XYLT1: variants seen among roughly 807,000 people sequenced by gnomAD.
The protein encoded by XYLT1 is beta-D-xylosyltransferase 1.
Under a neutral mutation model 91.3 loss-of-function variants are expected in XYLT1, and 36 were observed. The ratio of observed to expected loss-of-function variants is 0.39; its 90% CI spans 0.30 to 0.52. The LOEUF is 0.52. Ranked by LOEUF, XYLT1 falls within the 20% of genes least tolerant of loss-of-function variation. The pLI, the probability that XYLT1 is intolerant of heterozygous loss-of-function variation, is 0.68. For missense variants in XYLT1, 1,242 were observed against 1,284.5 expected (o/e 0.97, Z 0.51); for synonymous variants, 588 against 532.0 (o/e 1.11, Z -1.45).
chr16:17,420,143 C>A (rs777214028), intron 1 of XYLT1, among the ~76,000 whole-genome samples: 1 of 152,118 alleles, frequency 6.6e-6, no homozygotes, highest in Non-Finnish European at 1.5e-5. Flanking sequence ...CCAAAACTAG[C>A]AAAAATAATT....
chr16:17,433,760 T>C (rs567086630), intron 1 of XYLT1, among the ~76,000 whole-genome samples: 1 of 152,340 alleles, frequency 6.6e-6, no homozygotes, highest in East Asian at 1.9e-4. Flanking sequence ...CTCAAAGGTA[T>C]TTGAATCAGG....
In XYLT1 at chr16:17,103,930, A is replaced by G. The variant is rs984204677; in HGVS notation, c.*4765T>C. ...AACACAAAACAAAACAAAACAAAACAAAAAAACTTCTAAGAGAGCCAGAGA... is the reference window on the plus strand; with the variant it reads ...AACACAAAACAAAACAAAACAAAACGAAAAAACTTCTAAGAGAGCCAGAGA... On this transcript the variant is annotated 3_prime_UTR_variant, in exon 12 of 12. Transcript: ENST00000261381. 1.3e-5 allele frequency: 2 copies of G among 153,022 alleles called. No homozygotes were observed. Among genetic ancestry groups the G allele is most frequent in the Non-Finnish European group, 2.9e-5 (2 of 68,440 alleles). 9.5% of individuals were successfully genotyped at this position (153,022 alleles called of 1,614,324 possible).
chr16:17,210,441 G>C (rs1363375067), intron 3 of XYLT1, among the ~76,000 whole-genome samples: 2 of 152,182 alleles, frequency 1.3e-5, no homozygotes, highest in Non-Finnish European at 2.9e-5. Context: ...GCTGGGCATG[G>C]TGGTGCACGC....
At chr16:17,330,153 T>C (rs913650497) in intron 2 of XYLT1, among the ~76,000 whole-genome samples, 1 of 131,170 alleles carries the variant, frequency 7.6e-6, no homozygotes, top group African/African-American at 2.9e-5. Context: ...CAGCTCCACA[T>C]GGGCAGGAGC....
At chr16:17,142,032 T>G (rs553042497) in intron 6 of XYLT1, among the ~76,000 whole-genome samples, 2 of 152,120 alleles carry the variant, frequency 1.3e-5, no homozygotes, top group Non-Finnish European at 2.9e-5. Context: ...AGCTCCTGAG[T>G]AGCTAGGACT....
chr16:17,254,947 GC>G (rs1398515905), intron 3 of XYLT1, among the ~76,000 whole-genome samples: 2 of 151,622 alleles, frequency 1.3e-5, no homozygotes, highest in Non-Finnish European at 2.9e-5. Context: ...AAGCCCAAGG[GC>G]CAAATCCGGC....
chr16:17,226,817 A>G (rs758624827), intron 3 of XYLT1, among the ~76,000 whole-genome samples: 12 of 152,132 alleles, frequency 7.9e-5, no homozygotes, highest in Non-Finnish European at 1.8e-4. Flanking sequence ...ATATTGCCAA[A>G]TGTCCCTGGA....
intron 2 of XYLT1, among the ~76,000 whole-genome samples, chr16:17,354,168 A>G (rs1351277349): frequency 6.6e-6 from 1 of 152,162 alleles, no homozygotes; most frequent in Non-Finnish European, 1.5e-5. Context: ...CCAGAGGAGC[A>G]TTCATCACTG....
At chr16:17,356,597 C>A (rs1192552028) in intron 2 of XYLT1, among the ~76,000 whole-genome samples, 3 of 152,050 alleles carry the variant, frequency 2.0e-5, no homozygotes, top group African/African-American at 4.8e-5. Flanking sequence ...AGGGCAAGGA[C>A]CCAAGGTGGA....
chr16:17,149,515 A>G (rs2031230791), intron 6 of XYLT1, among the ~76,000 whole-genome samples: 1 of 152,200 alleles, frequency 6.6e-6, no homozygotes, highest in Non-Finnish European at 1.5e-5. Flanking sequence ...TTACTCCTTC[A>G]GCATAAGTAC....
chr16:17,410,123 C>A (rs889795319), intron 1 of XYLT1, among the ~76,000 whole-genome samples: 1 of 152,142 alleles, frequency 6.6e-6, no homozygotes, highest in Non-Finnish European at 1.5e-5. Context: ...CTGCTGGCTG[C>A]CCCTTTTGCC....
chr16:17,404,141 AC>A (rs2036001299), intron 1 of XYLT1, among the ~76,000 whole-genome samples: 3 of 151,982 alleles, frequency 2.0e-5, no homozygotes, highest in Non-Finnish European at 2.9e-5. Context: ...AGCCTGAGTG[AC>A]CCAGGAGGGA....
chr16:17,354,969 G>C (rs4781989), intron 2 of XYLT1: 75,195 of 152,084 alleles, frequency 0.49, 20,789 homozygotes, highest in African/African-American at 0.74. Context: ...TGGGAAATCA[G>C]AACTCGGGGA....
At chr16:17,254,235 C>T (rs2033593704) in intron 3 of XYLT1, among the ~76,000 whole-genome samples, 1 of 152,114 alleles carries the variant, frequency 6.6e-6, no homozygotes. Flanking sequence ...GCAGTAATAC[C>T]AACCTCTCCT....
At chr16:17,302,202 C>T (rs1054383891) in intron 2 of XYLT1, among the ~76,000 whole-genome samples, 1 of 151,908 alleles carries the variant, frequency 6.6e-6, no homozygotes, top group Non-Finnish European at 1.5e-5. Context: ...AAGACTCGAT[C>T]TCAAAATACT....
At chr16:17,313,663 T>TTAGAGGGGAAAACATCCA (rs1393208808) in intron 2 of XYLT1, among the ~76,000 whole-genome samples, 14 of 150,854 alleles carry the variant, frequency 9.3e-5, no homozygotes, top group Non-Finnish European at 4.4e-5. Flanking sequence ...TTTCCTTTCA[T>TTAGAGGGGAAAACATCCA]TAGAGGGGAA....
At chr16:17,205,187 C>T (rs1348300184) in intron 3 of XYLT1, among the ~76,000 whole-genome samples, 1 of 152,210 alleles carries the variant, frequency 6.6e-6, no homozygotes, top group Non-Finnish European at 1.5e-5. Context: ...AGAGCTCCCC[C>T]AGTAGATAGC....
intron 1 of XYLT1, among the ~76,000 whole-genome samples, chr16:17,382,503 T>G (rs2035694411): frequency 6.6e-6 from 1 of 151,574 alleles, no homozygotes; most frequent in East Asian, 2.0e-4. Flanking sequence ...CCACACAGAG[T>G]GGATTGCACA....
At chr16:17,454,180 G>T (rs932537945) in intron 1 of XYLT1, among the ~76,000 whole-genome samples, 1 of 152,190 alleles carries the variant, frequency 6.6e-6, no homozygotes, top group East Asian at 1.9e-4. Flanking sequence ...ATACTCAACA[G>T]AAATGTTTGC....
Sources: gnomAD v4.1 joint callset for allele counts (sites outside exome capture counted in the v4.1 genomes callset) on GRCh38, gnomAD v4.1.1 for gene constraint, MANE v1.5 for transcripts, NCBI Gene and HGNC (gene_info 2026-07-23, HGNC 2026-07-21) for gene names.